The following SALL3 variants were observed in gnomAD, a reference collection of about 807,000 sequenced individuals.
SALL3 encodes sal-like protein 3.
SALL3 carries 25 observed loss-of-function variants against 66.2 expected under a neutral mutation model. That is an observed-to-expected ratio of 0.38 (90% CI 0.28 to 0.53). The LOEUF (loss-of-function observed/expected upper bound fraction) is 0.53. SALL3 is among the 20% of genes least tolerant of loss of function. The pLI is 0.85. For synonymous variants in SALL3, 1,152 were observed against 899.1 expected, an observed-to-expected ratio of 1.28 and a Z score of -5.03; for missense variants, 2,194 against 1,916.5, an observed-to-expected ratio of 1.14 and a Z score of -2.70.
At chr18:78,981,236 C>G (rs1006437770) in intron 1 of SALL3, among the ~76,000 whole-genome samples, 3 of 152,144 alleles carry the variant, frequency 2.0e-5, no homozygotes, top group East Asian at 1.9e-4. Context: ...GCCCCCACCC[C>G]CTTCGTCGAG....
chr18:78,993,873 C>A lies in SALL3; in HGVS notation c.1882C>A (p.Pro628Thr). Residue 628 changes from proline to threonine, a missense_variant, in exon 2 of 3, where the codon CCC becomes ACC. By Grantham distance (38) the Pro-to-Thr change is conservative (BLOSUM62 -1). Transcript: ENST00000537592. ...SAAPTSVDGA[P>T]TSLGSPGLPA... The stretch of plus-strand genomic sequence containing the variant: ...TGCACCCACATCGGTGGACGGCGCA[C>A]CCACGAGCCTCGGCAGCCCCGGGCT... 2 of 1,568,824 alleles carry A rather than the reference C, an allele frequency of 1.3e-6. No individual in the cohort carries two copies. Among genetic ancestry groups the A allele is most frequent in the Non-Finnish European group, 1.7e-6 (2 of 1,158,954 alleles).
rs1331490576 is a variant in SALL3, at chr18:78,980,182, G to GCGCCGCGCGCCCGCCAGGC, written c.-88_-70dup. On this transcript the variant is annotated 5_prime_UTR_variant, in exon 1 of 3. It removes the in-frame stop codon of an upstream open reading frame in the 5' UTR. Transcript: ENST00000537592. ...CGCAGCCGCCGCCGCCCCGCGCCCC[G>GCGCCGCGCGCCCGCCAGGC]CGCCGCGCGCCCGCCAGGCCGCCCC... 2 of 391,984 alleles carry GCGCCGCGCGCCCGCCAGGC rather than the reference G, an allele frequency of 5.1e-6. No individual in the cohort carries two copies. The highest frequency in any genetic ancestry group is 6.9e-6 in the Non-Finnish European group (2 of 291,278). The allele number at this position is 391,984 out of a possible 1,614,324, so 24.3% of individuals were successfully genotyped here. A position where few individuals can be genotyped will look rare whatever the true frequency, so the allele number is the denominator to read the frequency against.
intron 1 of SALL3, among the ~76,000 whole-genome samples, chr18:78,988,721 G>A (rs1032740470): frequency 1.3e-5 from 2 of 152,160 alleles, no homozygotes; most frequent in Non-Finnish European, 2.9e-5. Context: ...ACATTCAAAT[G>A]TTGATAGTGA....
chr18:78,986,754 C>T (rs567280020), intron 1 of SALL3, among the ~76,000 whole-genome samples: 1 of 152,292 alleles, frequency 6.6e-6, no homozygotes, highest in Non-Finnish European at 1.5e-5. Context: ...TAAACAAATT[C>T]TGCTTCTCTT....
rs775710310 is a variant in SALL3, at chr18:78,994,031, G to C, written c.2040G>C (p.Gln680His). Reference protein sequence around the residue: ...NIDKKMTDPNQCVICHRVLSC... With the variant: ...NIDKKMTDPNHCVICHRVLSC... ...ACAAGAAGATGACGGACCCGAACCAGTGCGTCATCTGCCACCGGGTGCTGA... is the reference window on the plus strand; with the variant it reads ...ACAAGAAGATGACGGACCCGAACCACTGCGTCATCTGCCACCGGGTGCTGA... Residue 680 changes from glutamine (Q) to histidine (H), a missense_variant, in exon 2 of 3, where the codon CAG becomes CAC. Gln to His is a conservative substitution (Grantham distance 24). Coordinates refer to ENST00000537592, the MANE Select transcript of SALL3 (RefSeq NM_171999.4). 6.8e-6 allele frequency: 11 copies of C among 1,612,698 alleles called. No homozygotes were observed. Among genetic ancestry groups the C allele is most frequent in the Non-Finnish European group, 9.3e-6 (11 of 1,179,904 alleles).
rs765748890 is a variant in SALL3 at position 78,996,871 on chromosome 18, T to C, written c.3472-20T>C. The C allele has an allele frequency of 6.3e-7, 1 of 1,586,072 alleles. No individual in the cohort carries two copies. The highest frequency in any genetic ancestry group is 2.3e-5 in the East Asian group (1 of 44,352). On this transcript the variant is annotated intron_variant, in intron 2 of 2. Coordinates refer to ENST00000537592, the MANE Select transcript of SALL3 (RefSeq NM_171999.4). ...CGTGTCTAGGCACTTACTCGTGGGC[T>C]GTCTCCGTGTCTCGCGCAGGTGCAC... is the stretch of plus-strand genomic sequence containing the variant.
In SALL3 at chr18:78,992,220, CCGCCCGTGCTGATCGTGCACGAGGACG is replaced by C; in HGVS notation, c.236_262del (p.Val79_Pro87del). On this transcript the variant is annotated inframe_deletion, in exon 2 of 3. Transcript: ENST00000537592. ...GCACCAGCGGAGCTGCACCAAGCTC[CCGCCCGTGCTGATCGTGCACGAGGACG>C]CGCCCGCGCCGCCCCCCGAGGACTT... The C allele has an allele frequency of 6.2e-7, 1 of 1,606,936 alleles. No homozygotes were observed. The highest frequency in any genetic ancestry group is 8.5e-7 in the Non-Finnish European group (1 of 1,178,198).
intron 1 of SALL3, among the ~76,000 whole-genome samples, chr18:78,984,014 A>T (rs1390520376): frequency 6.6e-6 from 1 of 152,248 alleles, no homozygotes; most frequent in African/African-American, 2.4e-5. Context: ...TATGTGCAGT[A>T]CGTTTTCAAC....
chr18:78,985,570 C>T (rs1156483786), intron 1 of SALL3, among the ~76,000 whole-genome samples: 2 of 152,216 alleles, frequency 1.3e-5, no homozygotes, highest in South Asian at 2.1e-4. Flanking sequence ...GCAAACTTTG[C>T]CTGTAGAAAT....
chr18:78,995,625 T>C (rs528092988), intron 2 of SALL3, among the ~76,000 whole-genome samples, 163 bp downstream of exon 2: 2 of 152,092 alleles, frequency 1.3e-5, no homozygotes, highest in South Asian at 4.1e-4. Flanking sequence ...GTGCGTGTTA[T>C]AGGGTGTGAT....
Position 78,992,864 on chromosome 18 carries a change from G to A in SALL3, c.873G>A (p.Pro291=), listed in dbSNP as rs1047473818. ...AAPAAFEGAQ[P]LSRPESGAST... is the part of the protein sequence containing the mutation. Reference sequence around the variant, plus strand: ...CGGCCGCCTTCGAGGGCGCGCAGCCGCTGTCCCGGCCCGAGTCTGGCGCCA... The same window carrying A: ...CGGCCGCCTTCGAGGGCGCGCAGCCACTGTCCCGGCCCGAGTCTGGCGCCA... The change falls in exon 2 of 3, where the codon CCG becomes CCA. Residue 291 remains proline, a synonymous_variant. Transcript: ENST00000537592. 1.0e-5 allele frequency: 10 copies of A among 984,048 alleles called. No individual in the cohort carries two copies. The African/African-American group carries it at 1.6e-4, about 16-fold the overall frequency. 61.0% of individuals were successfully genotyped at this position (984,048 alleles called of 1,614,324 possible).
intron 2 of SALL3, 124 bp from the exon 3 acceptor site, chr18:78,996,767 T>G: frequency 2.3e-6 from 2 of 884,672 alleles, no homozygotes; most frequent in Non-Finnish European, 3.4e-6. Context: ...AGTCCACCTG[T>G]GTTTTGTTGT....
At chr18:78,988,518 T>C (rs1403275981) in intron 1 of SALL3, among the ~76,000 whole-genome samples, 2 of 152,254 alleles carry the variant, frequency 1.3e-5, no homozygotes, top group Admixed American at 1.3e-4. Context: ...ATGTTCACTT[T>C]GGTTATTTCC....
rs1324041614 is a variant in SALL3, at chr18:78,992,408, G to A, written c.417G>A (p.Ala139=). 28 of 1,328,536 alleles carry A rather than the reference G, an allele frequency of 2.1e-5. No individual in the cohort carries two copies. The highest frequency in any genetic ancestry group is 2.9e-6 in the Non-Finnish European group (3 of 1,047,114). The allele number at this position is 1,328,536 out of a possible 1,614,324, so 82.3% of individuals were successfully genotyped here. ...CCGAGCCCATGGACGCGGAACCCGC[G>A]GGGGACACGCGCGCGCCCCGGCCCC... ...KEAEPMDAEP[A]GDTRAPRPPP... is the part of the protein sequence containing the mutation. The change falls in exon 2 of 3, where the codon GCG becomes GCA. Residue 139 remains alanine, a synonymous_variant. Coordinates refer to ENST00000537592, the MANE Select transcript of SALL3 (RefSeq NM_171999.4).
intron 1 of SALL3, among the ~76,000 whole-genome samples, chr18:78,990,475 T>C (rs1300259598): frequency 1.1e-4 from 16 of 152,210 alleles, no homozygotes; most frequent in Admixed American, 1.0e-3. Context: ...CCTCAAAAAA[T>C]ATTTTTCTTT....
chr18:78,988,933 AAAAT>A (rs1914337741), intron 1 of SALL3, among the ~76,000 whole-genome samples: 1 of 152,348 alleles, frequency 6.6e-6, no homozygotes, highest in Admixed American at 6.5e-5. Context: ...CTTTGCTTAT[AAAAT>A]CCAGCATAGT....
chr18:78,995,346 G>A lies in SALL3; in HGVS notation c.3355G>A (p.Gly1119Arg), dbSNP rs771066512. Residue 1119 changes from glycine (G) to arginine (R), a missense_variant, in exon 2 of 3, where the codon GGG (glycine) becomes AGG (arginine). Coordinates refer to ENST00000537592, the MANE Select transcript of SALL3 (RefSeq NM_171999.4). ...TPKQHNCQSC[G>R]KTFSSASALQ... ...CAAGCAGCACAACTGCCAGTCGTGC[G>A]GGAAGACCTTCTCCTCGGCCAGCGC... The A allele has an allele frequency of 3.9e-5, 62 of 1,574,144 alleles. No homozygotes were observed. The highest frequency in any genetic ancestry group is 4.7e-5 in the Non-Finnish European group (55 of 1,166,908).
chr18:78,993,248 G>T lies in SALL3; in HGVS notation c.1257G>T (p.Lys419Asn), dbSNP rs1202979422. The T allele has an allele frequency of 1.2e-6, 2 of 1,610,890 alleles. No individual in the cohort carries two copies. Among genetic ancestry groups the T allele is most frequent in the East Asian group, 4.5e-5 (2 of 44,810 alleles). The change falls in exon 2 of 3, where the codon AAG becomes AAT. Residue 419 changes from lysine to asparagine, a missense_variant. Coordinates refer to ENST00000537592, the MANE Select transcript of SALL3 (RefSeq NM_171999.4). ...PKASAEDPFF[K>N]HKCRFCAKVF... Reference sequence around the variant, plus strand: ...CCAGCGCCGAGGACCCGTTCTTCAAGCACAAATGCCGCTTCTGCGCCAAGG... The same window carrying T: ...CCAGCGCCGAGGACCCGTTCTTCAATCACAAATGCCGCTTCTGCGCCAAGG...
chr18:78,994,739 C>T lies in SALL3; in HGVS notation c.2748C>T (p.Arg916=), dbSNP rs1914620226. The change falls in exon 2 of 3, where the codon CGC becomes CGT. Residue 916 remains arginine (R), a synonymous_variant. Coordinates refer to ENST00000537592, the MANE Select transcript of SALL3 (RefSeq NM_171999.4). The stretch of plus-strand genomic sequence containing the variant: ...CCCCCAGCAATGGTGAGAGCTTCCG[C>T]TCCAAGTCCCCGGGCCTGGGCGCCC... ...SPAPSNGESF[R]SKSPGLGAPE... is the part of the protein sequence containing the mutation. 1.2e-6 allele frequency: 2 copies of T among 1,602,792 alleles called. No individual in the cohort carries two copies. The highest frequency in any genetic ancestry group is 1.7e-6 in the Non-Finnish European group (2 of 1,179,090).
Sources: gnomAD v4.1 joint callset for allele counts (sites outside exome capture counted in the v4.1 genomes callset) on GRCh38, gnomAD v4.1.1 for gene constraint, MANE v1.5 for transcripts, NCBI Gene and HGNC (gene_info 2026-07-23, HGNC 2026-07-21) for gene names.